Variants in HS2ST1 observed in about 807,000 individuals in gnomAD.
HS2ST1 encodes the protein 2-O-sulfotransferase.
Under a neutral mutation model 42.9 loss-of-function variants are expected in HS2ST1, and 18 were observed. The ratio of observed to expected loss-of-function variants is 0.42; its 90% CI spans 0.29 to 0.62. The LOEUF is 0.62. Ranked by LOEUF, HS2ST1 falls within the 20% of genes least tolerant of loss-of-function variation. HS2ST1 has a pLI of 0.21. For missense variants in HS2ST1, 334 were observed against 433.8 expected (o/e 0.77, Z 2.04); for synonymous variants, 146 against 152.9 (o/e 0.95, Z 0.33).
chr1:87,012,708 T>C (rs1278242446), intron 1 of HS2ST1, among the ~76,000 whole-genome samples: 1 of 152,164 alleles, frequency 6.6e-6, no homozygotes, highest in Admixed American at 6.5e-5. Flanking sequence ...CAATGTCTCA[T>C]CTGGGACAAG....
At chr1:86,934,678 A>G (rs1660606565) in intron 1 of HS2ST1, 1 of 152,584 alleles carries the variant, frequency 6.6e-6, no homozygotes, top group South Asian at 2.1e-4. Flanking sequence ...CAGTAATCCC[A>G]GCACTTTGGG....
At chr1:87,021,046 G>T (rs888206076) in intron 1 of HS2ST1, among the ~76,000 whole-genome samples, 8 of 152,096 alleles carry the variant, frequency 5.3e-5, no homozygotes, top group African/African-American at 1.9e-4. Flanking sequence ...TCCTATTCCA[G>T]ACATTGGCTG....
chr1:86,949,524 A>T (rs1195792929), intron 1 of HS2ST1, among the ~76,000 whole-genome samples: 2 of 152,192 alleles, frequency 1.3e-5, no homozygotes, highest in African/African-American at 4.8e-5. Context: ...GAGCTGAGAT[A>T]GAGCCACTGC....
At chr1:87,042,576 A>C (rs1402082901) in intron 1 of HS2ST1, among the ~76,000 whole-genome samples, 4 of 152,086 alleles carry the variant, frequency 2.6e-5, no homozygotes, top group Admixed American at 6.6e-5. Flanking sequence ...TTTTGGATAG[A>C]TATACCTTCA....
chr1:86,924,920 C>G (rs1160168839), intron 1 of HS2ST1, among the ~76,000 whole-genome samples: 1 of 152,156 alleles, frequency 6.6e-6, no homozygotes, highest in Non-Finnish European at 1.5e-5. Context: ...TTGGATTTCT[C>G]CTGAGAAAAT....
chr1:87,024,789 C>T (rs1157955132), intron 1 of HS2ST1, among the ~76,000 whole-genome samples: 2 of 152,020 alleles, frequency 1.3e-5, no homozygotes, highest in Non-Finnish European at 2.9e-5. Context: ...TTTCTAAGGT[C>T]CTTTTTCAAC....
chr1:87,044,575 T>C (rs1167833585), intron 1 of HS2ST1, among the ~76,000 whole-genome samples: 4 of 152,190 alleles, frequency 2.6e-5, no homozygotes, highest in African/African-American at 7.2e-5. Flanking sequence ...TAGCCAAAAA[T>C]AAAGGCATGA....
Position 86,914,824 on chromosome 1 carries a change from G to A in HS2ST1, c.-213G>A. The A allele has an allele frequency of 1.7e-6, 1 of 596,622 alleles. No individual in the cohort carries two copies. The highest frequency in any genetic ancestry group is 2.9e-6 in the Non-Finnish European group (1 of 341,968). 37.0% of individuals were successfully genotyped at this position (596,622 alleles called of 1,614,324 possible). ...TTTGGAGGGGGCGGCCGTTTAGTCG[G>A]CTGAGGAGAAGCGGACACCAGCGGC... On this transcript the variant is annotated 5_prime_UTR_variant, in exon 1 of 7. Coordinates refer to ENST00000370550, the MANE Select transcript of HS2ST1 (RefSeq NM_012262.4).
At chr1:87,045,379 T>C in intron 1 of HS2ST1, 4 of 1,451,788 alleles carry the variant, frequency 2.8e-6, no homozygotes, top group Non-Finnish European at 3.9e-6. Context: ...TTTCAGAAGA[T>C]ATTAGGATTG....
chr1:86,932,901 C>T (rs975859817), intron 1 of HS2ST1, among the ~76,000 whole-genome samples: 1 of 152,132 alleles, frequency 6.6e-6, no homozygotes, highest in Admixed American at 6.5e-5. Context: ...GGAAGTTATA[C>T]ATTAGAAAAT....
intron 1 of HS2ST1, among the ~76,000 whole-genome samples, chr1:86,920,981 T>G (rs1329182431): frequency 6.6e-6 from 1 of 152,038 alleles, no homozygotes; most frequent in African/African-American, 2.4e-5. Flanking sequence ...AAAAAAAGTA[T>G]GTGAGGTAAT....
intron 1 of HS2ST1, among the ~76,000 whole-genome samples, chr1:86,970,761 C>T (rs1648209057): frequency 1.3e-5 from 2 of 152,030 alleles, no homozygotes; most frequent in African/African-American, 4.8e-5. Context: ...TATTTTGGTT[C>T]ACACATGGCC....
At chr1:87,059,113 G>T (rs1651052089) in intron 1 of HS2ST1, among the ~76,000 whole-genome samples, 1 of 152,094 alleles carries the variant, frequency 6.6e-6, no homozygotes, top group South Asian at 2.1e-4. Flanking sequence ...CACAGTAAAG[G>T]CTCAAAGTAG....
At chr1:87,035,310 G>A (rs1480265090) in intron 1 of HS2ST1, among the ~76,000 whole-genome samples, 6 of 152,214 alleles carry the variant, frequency 3.9e-5, no homozygotes, top group Admixed American at 2.0e-4. Flanking sequence ...TTAACCTATC[G>A]GTATTGTAAG....
At chr1:87,054,906 C>A (rs924709864) in intron 1 of HS2ST1, among the ~76,000 whole-genome samples, 17 of 152,134 alleles carry the variant, frequency 1.1e-4, no homozygotes, top group Non-Finnish European at 1.2e-4. Context: ...AGTAAACAAT[C>A]GAGATTTCGT....
At chr1:87,021,690 A>C (rs1649957586) in intron 1 of HS2ST1, among the ~76,000 whole-genome samples, 1 of 152,054 alleles carries the variant, frequency 6.6e-6, no homozygotes, top group East Asian at 1.9e-4. Flanking sequence ...TAATTGTTTA[A>C]TTTTTTATGG....
At chr1:86,943,245 A>G (rs369601761) in intron 1 of HS2ST1, among the ~76,000 whole-genome samples, 17 of 152,270 alleles carry the variant, frequency 1.1e-4, no homozygotes, top group Non-Finnish European at 2.4e-4. Flanking sequence ...TTGGGTATTT[A>G]TTATTATTTA....
At chr1:87,007,241 TTCA>T (rs1366186154) in intron 1 of HS2ST1, among the ~76,000 whole-genome samples, 4 of 152,102 alleles carry the variant, frequency 2.6e-5, no homozygotes. Flanking sequence ...AAGAATATAG[TTCA>T]TACACGTACT....
intron 1 of HS2ST1, among the ~76,000 whole-genome samples, chr1:86,999,663 A>G (rs1005118800): frequency 6.7e-6 from 1 of 148,408 alleles, no homozygotes; most frequent in Non-Finnish European, 1.5e-5. Flanking sequence ...TCCAAAAAGA[A>G]TATATCGTCA....
Sources: gnomAD v4.1 joint callset for allele counts (sites outside exome capture counted in the v4.1 genomes callset) on GRCh38, gnomAD v4.1.1 for gene constraint, MANE v1.5 for transcripts, NCBI Gene and HGNC (gene_info 2026-07-23, HGNC 2026-07-21) for gene names.